The following SGCZ variants were observed in gnomAD, a reference collection of about 807,000 sequenced individuals.
SGCZ encodes the protein sarcoglycan zeta.
Under a neutral mutation model 41.3 loss-of-function variants are expected in SGCZ, and 40 were observed. That is an observed-to-expected ratio of 0.97 (90% CI 0.75 to 1.26). The LOEUF (loss-of-function observed/expected upper bound fraction) is 1.26. SGCZ is among the 50% of genes most tolerant of loss of function. The pLI is 0.00. For synonymous variants in SGCZ, 206 were observed against 137.5 expected (o/e 1.50, Z -3.49); for missense variants, 552 against 369.8 (o/e 1.49, Z -4.04).
chr8:14,969,356 T>G (rs1342553796), intron 1 of SGCZ, among the ~76,000 whole-genome samples: 1 of 152,158 alleles, frequency 6.6e-6, no homozygotes, highest in Non-Finnish European at 1.5e-5. Flanking sequence ...CATTATTCTT[T>G]AATGTTTTAT....
At chr8:15,165,294 C>T (rs556649110) in intron 1 of SGCZ, among the ~76,000 whole-genome samples, 4 of 151,934 alleles carry the variant, frequency 2.6e-5, no homozygotes, top group South Asian at 2.1e-4. Context: ...TCCTCCCCGC[C>T]CCCACCAAAA....
intron 1 of SGCZ, among the ~76,000 whole-genome samples, chr8:15,076,787 TGCACACC>T (rs1383388899): frequency 6.6e-6 from 1 of 150,838 alleles, no homozygotes; most frequent in African/African-American, 2.5e-5. Context: ...CTCCTTTCTC[TGCACACC>T]GCCTCCCTCC....
At chr8:15,144,127 G>C (rs1157182991) in intron 1 of SGCZ, among the ~76,000 whole-genome samples, 2 of 152,092 alleles carry the variant, frequency 1.3e-5, no homozygotes, top group African/African-American at 4.8e-5. Context: ...CTGCTTTCTG[G>C]GTGAGAGGAA....
At chr8:14,480,482 C>T (rs1172751828) in intron 2 of SGCZ, among the ~76,000 whole-genome samples, 1 of 152,142 alleles carries the variant, frequency 6.6e-6, no homozygotes, top group Non-Finnish European at 1.5e-5. Context: ...CCCTTTGCTA[C>T]ACACCAACAG....
At chr8:14,415,354 T>C (rs9918847) in intron 2 of SGCZ, among the ~76,000 whole-genome samples, 103,629 of 151,712 alleles carry the variant, frequency 0.68, 35,504 homozygotes, top group East Asian at 0.83. Context: ...TTTTTCTCAC[T>C]GTAAAAATTA....
At chr8:14,768,690 C>T (rs892583222) in intron 1 of SGCZ, among the ~76,000 whole-genome samples, 3 of 152,046 alleles carry the variant, frequency 2.0e-5, no homozygotes, top group African/African-American at 7.2e-5. Flanking sequence ...TCAAGAGATG[C>T]GGGAGTATGA....
At chr8:14,153,956 C>T (rs1443732322) in intron 5 of SGCZ, among the ~76,000 whole-genome samples, 2 of 152,036 alleles carry the variant, frequency 1.3e-5, no homozygotes, top group East Asian at 3.9e-4. Context: ...CACACACACA[C>T]ACACATATAT....
chr8:14,207,319 A>G (rs1805648210), intron 4 of SGCZ, among the ~76,000 whole-genome samples: 1 of 152,228 alleles, frequency 6.6e-6, no homozygotes, highest in Non-Finnish European at 1.5e-5. Flanking sequence ...AATTAGAAGT[A>G]AATGGTCAGT....
At chr8:14,339,453 C>A (rs1002791457) in intron 2 of SGCZ, among the ~76,000 whole-genome samples, 1 of 152,312 alleles carries the variant, frequency 6.6e-6, no homozygotes, top group African/African-American at 2.4e-5. Context: ...TAAGTTATTG[C>A]AGGTAATGAC....
At chr8:14,920,554 G>A (rs1799559431) in intron 1 of SGCZ, among the ~76,000 whole-genome samples, 1 of 152,214 alleles carries the variant, frequency 6.6e-6, no homozygotes, top group African/African-American at 2.4e-5. Flanking sequence ...AGACTGGAGG[G>A]TAAGTCAAAG....
chr8:14,713,464 G>C (rs973367418), intron 1 of SGCZ, among the ~76,000 whole-genome samples: 1 of 152,094 alleles, frequency 6.6e-6, no homozygotes, highest in Non-Finnish European at 1.5e-5. Flanking sequence ...ATTGAGCTAG[G>C]ACAATTCAAA....
At chr8:14,319,386 AG>A in intron 3 of SGCZ, 1 of 152,076 alleles carries the variant, frequency 6.6e-6, no homozygotes, top group Non-Finnish European at 1.5e-5. Context: ...TAACACTCCC[AG>A]AAAAGCATAA....
intron 1 of SGCZ, among the ~76,000 whole-genome samples, chr8:15,129,687 TAA>T (rs952347025): frequency 2.5e-5 from 3 of 119,422 alleles, no homozygotes; most frequent in African/African-American, 9.7e-5. Context: ...CCCGTTCGGG[TAA>T]AGTCAGAGAA....
At chr8:14,991,850 AC>A (rs1175129014) in intron 1 of SGCZ, among the ~76,000 whole-genome samples, 4 of 148,736 alleles carry the variant, frequency 2.7e-5, no homozygotes, top group African/African-American at 1.0e-4. Flanking sequence ...ACACAAATCT[AC>A]CCCCAAAACT....
At chr8:14,241,113 G>A (rs373892648) in intron 3 of SGCZ, among the ~76,000 whole-genome samples, 1 of 151,924 alleles carries the variant, frequency 6.6e-6, no homozygotes, top group Non-Finnish European at 1.5e-5. Flanking sequence ...TTCTCCAAAG[G>A]TCTCTGTATG....
intron 4 of SGCZ, among the ~76,000 whole-genome samples, chr8:14,226,460 G>C (rs1390638798): frequency 6.6e-6 from 1 of 152,008 alleles, no homozygotes; most frequent in African/African-American, 2.4e-5. Flanking sequence ...GTCCTTTTAA[G>C]AACGTCATAT....
intron 1 of SGCZ, among the ~76,000 whole-genome samples, chr8:14,762,670 C>A (rs1449103955): frequency 6.6e-6 from 1 of 152,086 alleles, no homozygotes; most frequent in Non-Finnish European, 1.5e-5. Flanking sequence ...AATTTCTATC[C>A]TATGATTTGT....
chr8:14,645,946 T>G (rs74872035), intron 1 of SGCZ, among the ~76,000 whole-genome samples: 13,103 of 151,894 alleles, frequency 0.086, 639 homozygotes, highest in South Asian at 0.18. Flanking sequence ...GTTCTCTTAC[T>G]ATGCACAACT....
At chr8:14,595,342 A>T (rs1354631804) in intron 1 of SGCZ, among the ~76,000 whole-genome samples, 1 of 152,026 alleles carries the variant, frequency 6.6e-6, no homozygotes, top group Non-Finnish European at 1.5e-5. Context: ...AAACAAGTGC[A>T]TATGTATCTG....
Sources: gnomAD v4.1 joint callset for allele counts (sites outside exome capture counted in the v4.1 genomes callset) on GRCh38, gnomAD v4.1.1 for gene constraint, MANE v1.5 for transcripts, NCBI Gene and HGNC (gene_info 2026-07-23, HGNC 2026-07-21) for gene names.